Variants in RNF14 observed in about 807,000 individuals in gnomAD.
RNF14 encodes ring finger protein 14.
RNF14 carries 26 observed loss-of-function variants against 52.6 expected under a neutral mutation model. The ratio of observed to expected loss-of-function variants is 0.49; its 90% CI spans 0.36 to 0.69. The LOEUF (loss-of-function observed/expected upper bound fraction) is 0.69, where lower values mean the gene tolerates loss of function less well. Ranked by LOEUF, RNF14 falls within the 30% of genes least tolerant of loss-of-function variation. The pLI is 0.00. For missense variants in RNF14, 404 were observed against 560.4 expected (o/e 0.72, Z 2.82); for synonymous variants, 194 against 202.0 (o/e 0.96, Z 0.34).
intron 8 of RNF14, 131 bp downstream of exon 8, chr5:141,985,064 G>A: frequency 1.2e-6 from 1 of 829,286 alleles, no homozygotes; most frequent in African/African-American, 1.7e-5. Context: ...CCCCTATAAA[G>A]GAATTTTCAT....
At chr5:141,985,077 T>A (rs1274061742) in intron 8 of RNF14, 144 bp downstream of exon 8, 13 of 753,694 alleles carry the variant, frequency 1.7e-5, no homozygotes, top group Non-Finnish European at 2.6e-5. Context: ...ATTTTCATAT[T>A]ATTTTCTCAA....
At chr5:141,965,612 A>C (rs1435451914), upstream of RNF14, among the ~76,000 whole-genome samples, 2 of 152,234 alleles carry the variant, frequency 1.3e-5, no homozygotes, top group Non-Finnish European at 2.9e-5. Context: ...GGAGAGAGTC[A>C]GACTGATGAG....
chr5:141,965,532 T>C (rs990620665), upstream of RNF14, among the ~76,000 whole-genome samples: 8 of 152,160 alleles, frequency 5.3e-5, no homozygotes, highest in African/African-American at 1.9e-4. Flanking sequence ...CCCGTTTAGT[T>C]CTTAAGGCCA....
At chr5:141,969,251 T>A (rs935139953) in intron 1 of RNF14, 84 bp downstream of exon 1, 1 of 152,572 alleles carries the variant, frequency 6.6e-6, no homozygotes, top group African/African-American at 2.4e-5. Flanking sequence ...TGGGGATAGC[T>A]CTCTGGGCGC....
upstream of RNF14, chr5:141,956,877 C>T (rs755402370): frequency 2.5e-6 from 4 of 1,614,202 alleles, no homozygotes; most frequent in South Asian, 4.4e-5. Flanking sequence ...GACCCAGGTC[C>T]CTTGCCTGAA....
intron 4 of RNF14, 109 bp downstream of exon 4, chr5:141,975,064 C>A: frequency 8.3e-7 from 1 of 1,210,576 alleles, no homozygotes; most frequent in Non-Finnish European, 1.2e-6. Context: ...AAACAAATGG[C>A]TTTGGTTTTG....
upstream of RNF14, among the ~76,000 whole-genome samples, chr5:141,966,438 T>C (rs1753351345): frequency 6.6e-6 from 1 of 152,194 alleles, no homozygotes; most frequent in Admixed American, 6.5e-5. Context: ...AAAACAAATC[T>C]TAGTGCCTCA....
At chr5:141,957,572 G>C, upstream of RNF14, 1 of 1,614,176 alleles carries the variant, frequency 6.2e-7, no homozygotes, top group Non-Finnish European at 8.5e-7. This position sits in a 1 kb window ranked among gnomAD's most constrained non-coding sequence, Gnocchi z 4.3. Flanking sequence ...AGCTGCTCTC[G>C]ATCCAGCCGC....
the RNF14 span, among the ~76,000 whole-genome samples, chr5:141,951,192 C>T: frequency 2.7e-4 from 41 of 152,296 alleles, no homozygotes; most frequent in African/African-American, 8.2e-4. Flanking sequence ...TTTACAGCAC[C>T]TCTGTAATTG....
chr5:141,974,116 T>C (rs1435607206), intron 3 of RNF14, among the ~76,000 whole-genome samples: 1 of 152,232 alleles, frequency 6.6e-6, no homozygotes, highest in African/African-American at 2.4e-5. Flanking sequence ...TCCAGAATCA[T>C]TTCAACTACT....
intron 6 of RNF14, among the ~76,000 whole-genome samples, chr5:141,982,119 T>G (rs1754842442): frequency 6.6e-6 from 1 of 152,214 alleles, no homozygotes; most frequent in South Asian, 2.1e-4. Context: ...TTCAAGTGTT[T>G]CACAGCATTC....
At chr5:141,957,822 C>T (rs763325403), upstream of RNF14, 3 of 1,600,596 alleles carry the variant, frequency 1.9e-6, no homozygotes, top group Non-Finnish European at 2.5e-6. The surrounding 1 kb of genome is among the most constrained non-coding windows in gnomAD (Gnocchi z 4.3). Context: ...GCCCCAAAAG[C>T]CCCAGCAGAA....
intron 1 of RNF14, among the ~76,000 whole-genome samples, chr5:141,959,295 C>G (rs1054125999): frequency 6.6e-6 from 1 of 152,184 alleles, no homozygotes; most frequent in Non-Finnish European, 1.5e-5. Flanking sequence ...CCCCAACTCT[C>G]CTTTTAGATG....
chr5:141,983,275 C>G, intron 6 of RNF14, 105 bp from the exon 7 acceptor site: 1 of 900,326 alleles, frequency 1.1e-6, no homozygotes, highest in Non-Finnish European at 1.7e-6. Flanking sequence ...TGATAAAGTT[C>G]TAGGAATAAC....
chr5:141,979,164 G>A (rs560518539), intron 5 of RNF14, among the ~76,000 whole-genome samples: 4 of 152,202 alleles, frequency 2.6e-5, no homozygotes, highest in Non-Finnish European at 5.9e-5. Flanking sequence ...TGAAGGGGAC[G>A]TCTCTTAGAA....
upstream of RNF14, chr5:141,955,872 G>A: frequency 6.2e-7 from 1 of 1,614,162 alleles, no homozygotes; most frequent in Non-Finnish European, 8.5e-7. The surrounding 1 kb of genome is among the most constrained non-coding windows in gnomAD (Gnocchi z 5.5). Flanking sequence ...TGGCATTGGT[G>A]ACATTGACGA....
upstream of RNF14, among the ~76,000 whole-genome samples, chr5:141,962,059 G>C (rs565500938): frequency 6.1e-4 from 93 of 152,274 alleles, no homozygotes; most frequent in Non-Finnish European, 1.0e-3. Flanking sequence ...TCCAAGCTCA[G>C]CGTCTTTTTT....
rs750799067 is a variant in RNF14, at chr5:141,984,816, G to C, written c.1250G>C (p.Cys417Ser). 1.2e-6 allele frequency: 2 copies of C among 1,613,846 alleles called. No homozygotes were observed. Among genetic ancestry groups the C allele is most frequent in the Non-Finnish European group, 1.7e-6 (2 of 1,179,802 alleles). Reference sequence around the variant, plus strand: ...CCTTCCCACCAGAAATTAGACGGATGTAACAAGATGACATGTACTGGCTGT... The same window carrying C: ...CCTTCCCACCAGAAATTAGACGGATCTAACAAGATGACATGTACTGGCTGT... ...CGTPIEKLDG[C>S]NKMTCTGCMQ... is the part of the protein sequence containing the mutation. Residue 417 changes from cysteine (C) to serine (S), a missense_variant, in exon 8 of 9, where the codon TGT becomes TCT. Transcript: ENST00000394520.
chr5:141,983,384 A>G lies in RNF14; in HGVS notation c.1068A>G (p.Lys356=), dbSNP rs147682722. 6.5e-5 allele frequency: 104 copies of G among 1,610,026 alleles called. No homozygotes were observed. The highest frequency in any genetic ancestry group is 1.1e-4 in the African/African-American group (8 of 74,570). The change falls in exon 7 of 9, where the codon AAA becomes AAG. Residue 356 remains lysine, a synonymous_variant. Coordinates refer to ENST00000394520, the MANE Select transcript of RNF14 (RefSeq NM_004290.5). ...ATTTTCCATTTCACTTTGTAGAGAA[A>G]TTAATGGACTTACGAAATGAATACC... The part of the protein sequence containing the change: ...GVSPCKVTAE[K]LMDLRNEYLQ...
Sources: allele counts gnomAD v4.1 joint callset (sites outside exome capture counted in the v4.1 genomes callset), GRCh38; gene constraint gnomAD v4.1.1; non-coding constraint Gnocchi (gnomAD v3.1); transcripts MANE v1.5; gene names NCBI Gene and HGNC (gene_info 2026-07-23, HGNC 2026-07-21).